The following VPS26B variants were observed in gnomAD, a reference collection of about 807,000 sequenced individuals.
VPS26B encodes the protein vacuolar protein sorting-associated protein 26B.
Under a neutral mutation model 33.3 loss-of-function variants are expected in VPS26B, and 10 were observed. That is an observed-to-expected ratio of 0.30 (90% CI 0.19 to 0.51). VPS26B has a LOEUF of 0.51. Among genes scored for constraint, VPS26B ranks in the 20% least tolerant of loss-of-function variants. The pLI is 0.98. For missense variants in VPS26B, 317 were observed against 452.7 expected (o/e 0.70, Z 2.72); for synonymous variants, 190 against 176.9 (o/e 1.07, Z -0.59).
chr11:134,227,228 A>G (rs1938492405), intron 1 of VPS26B, among the ~76,000 whole-genome samples: 1 of 152,284 alleles, frequency 6.6e-6, no homozygotes, highest in Admixed American at 6.5e-5. Flanking sequence ...GATAAACAGG[A>G]TGAGTCCAAA....
At position 134,240,206 on chromosome 11, in the gene VPS26B, A is replaced by G; in HGVS notation, c.545+51A>G. On this transcript the variant is annotated intron_variant, in intron 3 of 5. Coordinates refer to ENST00000281187, the MANE Select transcript of VPS26B (RefSeq NM_052875.5). The surrounding 1 kb of genome is among the most constrained non-coding windows in gnomAD (Gnocchi z 4.4). ...GAAATGATTATTTAAGGAGGTTAAG[A>G]TGGGACTTGATGCAGATGCAAACTG... The G allele has an allele frequency of 1.9e-6, 3 of 1,590,248 alleles. No individual in the cohort carries two copies. Among genetic ancestry groups the G allele is most frequent in the Non-Finnish European group, 2.6e-6 (3 of 1,161,910 alleles).
intron 1 of VPS26B, among the ~76,000 whole-genome samples, chr11:134,226,411 AAAATAAAC>A (rs891210211): frequency 2.8e-4 from 43 of 152,330 alleles, no homozygotes; most frequent in South Asian, 2.1e-3. Context: ...CTGTCTCAAA[AAAATAAAC>A]AAATAAACAA....
chr11:134,226,415 TAAAC>T (rs1938473342), intron 1 of VPS26B, among the ~76,000 whole-genome samples: 1 of 151,920 alleles, frequency 6.6e-6, no homozygotes, highest in Non-Finnish European at 1.5e-5. Flanking sequence ...CTCAAAAAAA[TAAAC>T]AAATAAACAA....
intron 1 of VPS26B, among the ~76,000 whole-genome samples, chr11:134,234,231 C>G (rs1208599653): frequency 6.6e-6 from 1 of 152,214 alleles, no homozygotes; most frequent in South Asian, 2.1e-4. Flanking sequence ...ACAGCAGCTA[C>G]TAACGATGTT....
chr11:134,234,810 T>A, intron 1 of VPS26B, 87 bp from the exon 2 acceptor site: 1 of 1,528,908 alleles, frequency 6.5e-7, no homozygotes, highest in Non-Finnish European at 8.9e-7. Flanking sequence ...AAGCAGTCCC[T>A]CCAGCCTACA....
In VPS26B at chr11:134,234,940, G is replaced by A. The variant is rs145619719; in HGVS notation, c.267G>A (p.Leu89=). The change falls in exon 2 of 6, where the codon CTG becomes CTA. Residue 89 remains leucine, a synonymous_variant. Transcript: ENST00000281187. ...DRGNHHEFVS[L]VKDLARPGEI... ...GGAACCACCATGAGTTTGTGTCCCT[G>A]GTGAAGGACCTGGCCCGGCCTGGAG... 1 of 1,614,152 alleles carries A rather than the reference G, an allele frequency of 6.2e-7. No homozygotes were observed. The highest frequency in any genetic ancestry group is 1.1e-5 in the South Asian group (1 of 91,076).
intron 4 of VPS26B, 141 bp downstream of exon 4, chr11:134,243,435 G>A (rs188224539): frequency 3.3e-4 from 347 of 1,042,978 alleles, no homozygotes; most frequent in African/African-American, 3.0e-3. Flanking sequence ...AGTTTACACC[G>A]TGGGTGGCCA....
chr11:134,228,508 T>C (rs1347909710), intron 1 of VPS26B, among the ~76,000 whole-genome samples: 3 of 151,902 alleles, frequency 2.0e-5, no homozygotes, highest in African/African-American at 7.3e-5. Flanking sequence ...ATGTATTTCT[T>C]GATCAAGAAC....
Position 134,245,593 on chromosome 11 carries a change from C to A in VPS26B, c.*3C>A, listed in dbSNP as rs1938800880. On this transcript the variant is annotated 3_prime_UTR_variant, in exon 6 of 6. Transcript: ENST00000281187. The surrounding 1 kb of genome is among the most constrained non-coding windows in gnomAD (Gnocchi z 4.7). ...CTGACAACAACTGCAGGCAGTAGGC[C>A]CCCAGGGCCGAGAAGATGCTGGGCA... is the stretch of plus-strand genomic sequence containing the variant. 2 of 1,605,902 alleles carry A rather than the reference C, an allele frequency of 1.2e-6. No homozygotes were observed. Among genetic ancestry groups the A allele is most frequent in the Non-Finnish European group, 1.7e-6 (2 of 1,177,852 alleles).
intron 4 of VPS26B, chr11:134,243,650 G>A: frequency 4.6e-6 from 1 of 219,552 alleles, no homozygotes; most frequent in Non-Finnish European, 9.1e-6. Context: ...ATTCTCTGCT[G>A]CTCAGGAGCA....
intron 1 of VPS26B, among the ~76,000 whole-genome samples, chr11:134,231,158 G>GGTCAGACAT (rs1401873949): frequency 6.6e-6 from 1 of 152,014 alleles, no homozygotes; most frequent in Non-Finnish European, 1.5e-5. Context: ...GTAATTAGAA[G>GGTCAGACAT]GTCAGACATG....
Position 134,245,175 on chromosome 11 carries a change from TG to T in VPS26B, c.864+98del. 1.3e-6 allele frequency: 2 copies of T among 1,516,818 alleles called. No individual in the cohort carries two copies. The highest frequency in any genetic ancestry group is 1.8e-6 in the Non-Finnish European group (2 of 1,132,970). The allele number at this position is 1,516,818 out of a possible 1,614,324, so 94.0% of individuals were successfully genotyped here. A position where few individuals can be genotyped will look rare whatever the true frequency, so the allele number is the denominator to read the frequency against. On this transcript the variant is annotated intron_variant, in intron 5 of 5. Transcript: ENST00000281187. The surrounding 1 kb of genome is among the most constrained non-coding windows in gnomAD (Gnocchi z 4.7). ...GTCAGACTCCATTTTTGCCAAGAGG[TG>T]GGAACATTAGGTCGCCCACAATTGC...
In VPS26B at chr11:134,244,802, C is replaced by G; in HGVS notation, c.722-136C>G. On this transcript the variant is annotated intron_variant, in intron 4 of 5. Coordinates refer to ENST00000281187, the MANE Select transcript of VPS26B (RefSeq NM_052875.5). The surrounding 1 kb of genome is among the most constrained non-coding windows in gnomAD (Gnocchi z 4.0). Reference sequence around the variant, plus strand: ...TTCAGCCACCTGCTGGGCAGCAGAGCGACTGCACCTTCCCAGAAGGCTGAA... The same window carrying G: ...TTCAGCCACCTGCTGGGCAGCAGAGGGACTGCACCTTCCCAGAAGGCTGAA... 8.1e-7 allele frequency: 1 copy of G among 1,234,908 alleles called. No homozygotes were observed. The highest frequency in any genetic ancestry group is 1.1e-6 in the Non-Finnish European group (1 of 918,338). The allele number at this position is 1,234,908 out of a possible 1,614,324, so 76.5% of individuals were successfully genotyped here. A position where few individuals can be genotyped will look rare whatever the true frequency, so the allele number is the denominator to read the frequency against.
chr11:134,230,505 T>C (rs1052145477), intron 1 of VPS26B, among the ~76,000 whole-genome samples: 2 of 152,224 alleles, frequency 1.3e-5, no homozygotes, highest in Non-Finnish European at 2.9e-5. Context: ...CAACATGTGG[T>C]TGTCCATCAA....
chr11:134,228,141 G>C (rs930133857), intron 1 of VPS26B, among the ~76,000 whole-genome samples: 1 of 152,248 alleles, frequency 6.6e-6, no homozygotes. Context: ...TGTATTTCTT[G>C]ATCAAGAACA....
intron 1 of VPS26B, among the ~76,000 whole-genome samples, chr11:134,233,798 CTTATCT>C (rs1938594154): frequency 6.6e-6 from 1 of 152,134 alleles, no homozygotes; most frequent in South Asian, 2.1e-4. Flanking sequence ...GGATGTGGGC[CTTATCT>C]TTAAAGGGCC....
chr11:134,238,136 A>T lies in VPS26B; in HGVS notation c.381-1855A>T, dbSNP rs150813109. On this transcript the variant is annotated intron_variant, in intron 2 of 5. Coordinates refer to ENST00000281187, the MANE Select transcript of VPS26B (RefSeq NM_052875.5). ...GAATGCCTGTGTCCCTTTCCAGACA[A>T]TCACATATCAGGTGTGCCCAGGCAG... is the stretch of plus-strand genomic sequence containing the variant. Among the ~76,000 whole-genome samples, 575 of 152,254 alleles carry T rather than the reference A, an allele frequency of 3.8e-3. 5 individuals carry two copies. The highest frequency in any genetic ancestry group is 0.013 in the African/African-American group (544 of 41,536).
intron 4 of VPS26B, 106 bp downstream of exon 4, chr11:134,243,400 T>C: frequency 7.5e-7 from 1 of 1,333,212 alleles, no homozygotes; most frequent in Admixed American, 2.5e-5. Flanking sequence ...AGATGTCCTC[T>C]TAACCTGTAA....
chr11:134,229,927 C>T (rs1412682338), intron 1 of VPS26B, among the ~76,000 whole-genome samples: 2 of 152,224 alleles, frequency 1.3e-5, no homozygotes, highest in Non-Finnish European at 1.5e-5. Flanking sequence ...TCACTCTCAC[C>T]GCTTGTGGGT....
Sources: allele counts gnomAD v4.1 joint callset (sites outside exome capture counted in the v4.1 genomes callset), GRCh38; gene constraint gnomAD v4.1.1; non-coding constraint Gnocchi (gnomAD v3.1); transcripts MANE v1.5; gene names NCBI Gene and HGNC (gene_info 2026-07-23, HGNC 2026-07-21).